SCCPDH: variants seen among roughly 807,000 people sequenced by gnomAD.
The protein encoded by SCCPDH is saccharopine dehydrogenase (putative), also known as saccharopine dehydrogenase-like oxidoreductase.
In SCCPDH, 34 loss-of-function variants were observed where a neutral mutation model predicts 51.5. The observed-to-expected ratio is 0.66, with a 90% CI of 0.50 to 0.88. The LOEUF (loss-of-function observed/expected upper bound fraction) is 0.88. Among genes scored for constraint, SCCPDH ranks in the 40% least tolerant of loss-of-function variants. The pLI is 0.00. For synonymous variants in SCCPDH, 187 were observed against 191.3 expected, an observed-to-expected ratio of 0.98 and a Z score of 0.19; for missense variants, 464 against 527.1, an observed-to-expected ratio of 0.88 and a Z score of 1.17.
At position 246,760,204 on chromosome 1, in the gene SCCPDH, A is replaced by C; in HGVS notation, c.967A>C (p.Lys323Gln). 6.2e-7 allele frequency: 1 copy of C among 1,610,462 alleles called. No homozygotes were observed. ...GTTCTTCTCCTTTGGCTATTTTTCAAAACAAGGCCCAACACAAAAACAGGT... is the reference window on the plus strand; with the variant it reads ...GTTCTTCTCCTTTGGCTATTTTTCACAACAAGGCCCAACACAAAAACAGGT... ...PWFFSFGYFS[K>Q]QGPTQKQIDA... Residue 323 changes from lysine (K) to glutamine (Q), a missense_variant, in exon 9 of 12, where the codon AAA becomes CAA. By Grantham distance (53) the Lys-to-Gln change is moderately conservative. Transcript: ENST00000366510.
intron 1 of SCCPDH, 81 bp downstream of exon 1, chr1:246,724,693 C>A: frequency 8.0e-7 from 1 of 1,255,514 alleles, no homozygotes; most frequent in Non-Finnish European, 1.0e-6. Flanking sequence ...GTTTCTCCCG[C>A]AGGGATGCGC....
chr1:246,767,271 T>C lies in SCCPDH; in HGVS notation c.1261T>C (p.Phe421Leu). The C allele has an allele frequency of 6.2e-7, 1 of 1,607,978 alleles. No individual in the cohort carries two copies. Among genetic ancestry groups the C allele is most frequent in the Non-Finnish European group, 8.5e-7 (1 of 1,176,496 alleles). ...CAGACTCAACAAACACGGTATTGAG[T>C]TTAGTGTTATTAGCAGCTCTGAAGT... ...IDRLNKHGIE[F>L]SVISSSEV The change falls in exon 12 of 12, where the codon TTT becomes CTT. Residue 421 changes from phenylalanine to leucine, a missense_variant. Coordinates refer to ENST00000366510, the MANE Select transcript of SCCPDH (RefSeq NM_016002.3).
intron 2 of SCCPDH, among the ~76,000 whole-genome samples, chr1:246,731,727 A>G (rs1420858918): frequency 2.1e-5 from 3 of 142,178 alleles, no homozygotes; most frequent in South Asian, 4.3e-4. Flanking sequence ...TGTTTTTGTT[A>G]TTTTTATTTA....
rs368372013 is a variant in SCCPDH at position 246,738,287 on chromosome 1, C to T, written c.385-1885C>T. On this transcript the variant is annotated intron_variant, in intron 3 of 11. Coordinates refer to ENST00000366510, the MANE Select transcript of SCCPDH (RefSeq NM_016002.3). ...CAGTGCTTTGGGAGGCCGAGGCAGGCGGATCACGAGGTCAAGAGATCGAGA... is the reference window on the plus strand; with the variant it reads ...CAGTGCTTTGGGAGGCCGAGGCAGGTGGATCACGAGGTCAAGAGATCGAGA... Among the ~76,000 whole-genome samples, 415 of 151,020 alleles carry T rather than the reference C, an allele frequency of 2.7e-3. 1 individual carries two copies. The highest frequency in any genetic ancestry group is 9.5e-3 in the African/African-American group (389 of 41,126).
At position 246,738,294 on chromosome 1, in the gene SCCPDH, C is replaced by T. The variant is rs750873224; in HGVS notation, c.385-1878C>T. 4.0e-5 allele frequency among the ~76,000 whole-genome samples: 6 copies of T among 151,892 alleles called. No individual in the cohort carries two copies. In the East Asian group the frequency reaches 7.8e-4, roughly 20 times the overall value. Reference sequence around the variant, plus strand: ...TTGGGAGGCCGAGGCAGGCGGATCACGAGGTCAAGAGATCGAGACCATCTT... The same window carrying T: ...TTGGGAGGCCGAGGCAGGCGGATCATGAGGTCAAGAGATCGAGACCATCTT... On this transcript the variant is annotated intron_variant, in intron 3 of 11. Transcript: ENST00000366510.
intron 9 of SCCPDH, among the ~76,000 whole-genome samples, chr1:246,762,210 AGATTCATATCCAGAAAATAT>A (rs1297217683): frequency 1.3e-5 from 2 of 152,250 alleles, no homozygotes; most frequent in East Asian, 3.8e-4. Flanking sequence ...ATTTGACAGA[AGATTCATATCCAGAAAATAT>A]AGAGAACTCC....
chr1:246,743,923 CAT>C (rs1454501678), intron 4 of SCCPDH, among the ~76,000 whole-genome samples, 151 bp from the exon 5 acceptor site: 25 of 152,206 alleles, frequency 1.6e-4, no homozygotes, highest in African/African-American at 6.0e-4. Flanking sequence ...TGTACAAAAA[CAT>C]AATAAAACTG....
chr1:246,742,153 A>T (rs969291464), intron 4 of SCCPDH, among the ~76,000 whole-genome samples: 1 of 152,252 alleles, frequency 6.6e-6, no homozygotes, highest in Non-Finnish European at 1.5e-5. Flanking sequence ...CACTAGAACC[A>T]TTCCAATTAA....
chr1:246,730,947 C>T (rs1312209636), intron 2 of SCCPDH, among the ~76,000 whole-genome samples: 1 of 152,154 alleles, frequency 6.6e-6, no homozygotes, highest in Non-Finnish European at 1.5e-5. Flanking sequence ...GTAATTGCAG[C>T]TACTCGGGAG....
intron 2 of SCCPDH, among the ~76,000 whole-genome samples, 198 bp downstream of exon 2, chr1:246,727,202 C>T (rs550818222): frequency 9.8e-5 from 15 of 152,316 alleles, no homozygotes; most frequent in East Asian, 7.7e-4. Flanking sequence ...CTCTCCATGA[C>T]GTTCTCCTTA....
intron 9 of SCCPDH, among the ~76,000 whole-genome samples, chr1:246,763,349 A>G (rs1669046219): frequency 6.6e-6 from 1 of 152,318 alleles, no homozygotes. Context: ...TGTGGGCGCC[A>G]TAGCAGGAGA....
chr1:246,764,017 T>G (rs1669055101), intron 9 of SCCPDH, among the ~76,000 whole-genome samples: 1 of 152,134 alleles, frequency 6.6e-6, no homozygotes, highest in Non-Finnish European at 1.5e-5. Flanking sequence ...ATTTCCTCCC[T>G]ATTTCTTACC....
chr1:246,763,849 G>A (rs1043032811), intron 9 of SCCPDH, among the ~76,000 whole-genome samples: 2 of 152,008 alleles, frequency 1.3e-5, no homozygotes, highest in African/African-American at 4.8e-5. Context: ...TTTTTGAGTC[G>A]AATTTTTACA....
At chr1:246,727,706 T>C (rs1259835011) in intron 2 of SCCPDH, among the ~76,000 whole-genome samples, 1 of 152,052 alleles carries the variant, frequency 6.6e-6, no homozygotes, top group Non-Finnish European at 1.5e-5. Context: ...GCATGAACCT[T>C]TTGAGGAGAG....
rs377518398 is a variant in SCCPDH, at chr1:246,767,276, T to A, written c.1266T>A (p.Ser422Arg). Residue 422 changes from serine (S) to arginine (R), a missense_variant, in exon 12 of 12, where the codon AGT (serine) becomes AGA (arginine). Transcript: ENST00000366510. ...TCAACAAACACGGTATTGAGTTTAG[T>A]GTTATTAGCAGCTCTGAAGTCTAAA... Reference protein sequence around the residue: ...DRLNKHGIEFSVISSSEV With the variant: ...DRLNKHGIEFRVISSSEV 2 of 1,605,800 alleles carry A rather than the reference T, an allele frequency of 1.2e-6. No homozygotes were observed. Among genetic ancestry groups the A allele is most frequent in the South Asian group, 1.1e-5 (1 of 89,870 alleles).
At chr1:246,750,670 G>A (rs1485309682) in intron 5 of SCCPDH, among the ~76,000 whole-genome samples, 5 of 152,134 alleles carry the variant, frequency 3.3e-5, no homozygotes, top group Non-Finnish European at 7.3e-5. Context: ...ATCTAAACCT[G>A]GGTATAATAT....
Position 246,756,078 on chromosome 1 carries a change from C to T in SCCPDH, c.565-2148C>T, listed in dbSNP as rs533277998. ...CATTAAATGTAATGAAAAAGTGATA[C>T]GTTTGTGTACTTTTAAAATTGAGAA... On this transcript the variant is annotated intron_variant, in intron 5 of 11. Transcript: ENST00000366510. 3.8e-4 allele frequency among the ~76,000 whole-genome samples: 58 copies of T among 152,262 alleles called. 1 individual carries two copies. The highest frequency in any genetic ancestry group is 1.3e-3 in the African/African-American group (56 of 41,550).
Position 246,765,680 on chromosome 1 carries a change from T to A in SCCPDH, c.1103-378T>A, listed in dbSNP as rs115043452. 5.9e-3 allele frequency among the ~76,000 whole-genome samples: 903 copies of A among 152,296 alleles called. 10 individuals carry two copies. Among genetic ancestry groups the A allele is most frequent in the African/African-American group, 0.02 (840 of 41,560 alleles). On this transcript the variant is annotated intron_variant, in intron 10 of 11. Transcript: ENST00000366510. ...AAAAACCTAGGATCATTGGCTTCAA[T>A]GATTGTCAAGAAGCAGTGCAGTGCA...
intron 9 of SCCPDH, among the ~76,000 whole-genome samples, chr1:246,762,954 A>G (rs898104148): frequency 3.3e-5 from 5 of 152,076 alleles, no homozygotes; most frequent in Non-Finnish European, 5.9e-5. Flanking sequence ...GCCTGAAAGC[A>G]TAGAGCAGTG....
Sources: gnomAD v4.1 joint callset for allele counts (sites outside exome capture counted in the v4.1 genomes callset) on GRCh38, gnomAD v4.1.1 for gene constraint, MANE v1.5 for transcripts, NCBI Gene and HGNC (gene_info 2026-07-23, HGNC 2026-07-21) for gene names.